The following RASGRF1 variants were observed in gnomAD, a reference collection of about 807,000 sequenced individuals.
RASGRF1 encodes ras-specific guanine nucleotide-releasing factor 1.
RASGRF1 carries 40 observed loss-of-function variants against 138.7 expected under a neutral mutation model. The observed-to-expected ratio is 0.29, with a 90% CI of 0.22 to 0.38. The LOEUF (loss-of-function observed/expected upper bound fraction) is 0.38. Among genes scored for constraint, RASGRF1 ranks in the 10% least tolerant of loss-of-function variants. RASGRF1 has a pLI of 1.00. For missense variants in RASGRF1, 1,108 were observed against 1,650.4 expected (o/e 0.67, Z 5.69); for synonymous variants, 614 against 663.2 (o/e 0.93, Z 1.14).
chr15:79,064,057 C>T (rs578261034), intron 2 of RASGRF1, among the ~76,000 whole-genome samples: 7 of 152,278 alleles, frequency 4.6e-5, no homozygotes, highest in Admixed American at 1.3e-4. Flanking sequence ...AGGACTGGTC[C>T]ATGGTAATGC....
At chr15:79,052,857 T>A (rs1595942472) in intron 3 of RASGRF1, among the ~76,000 whole-genome samples, 1 of 151,356 alleles carries the variant, frequency 6.6e-6, no homozygotes. Flanking sequence ...GCAGGGAGGG[T>A]GGCCATGGAG....
intron 3 of RASGRF1, among the ~76,000 whole-genome samples, chr15:79,055,835 C>G (rs142811354): frequency 1.8e-4 from 27 of 152,250 alleles, no homozygotes; most frequent in African/African-American, 4.6e-4. Context: ...CAGAAACTGT[C>G]ATCTCTTTAA....
At chr15:79,076,838 C>G (rs533602302) in intron 1 of RASGRF1, among the ~76,000 whole-genome samples, 1 of 152,362 alleles carries the variant, frequency 6.6e-6, no homozygotes, top group Non-Finnish European at 1.5e-5. Context: ...AGAACTCTCC[C>G]TGGAGCCTGG....
At position 79,046,748 on chromosome 15, in the gene RASGRF1, G is replaced by A. The variant is rs149029329; in HGVS notation, c.876C>T (p.Asn292=). 7.4e-6 allele frequency: 12 copies of A among 1,614,240 alleles called. No homozygotes were observed. The African/African-American group carries it at 1.1e-4, about 14-fold the overall frequency. The change falls in exon 5 of 27, where the codon AAC becomes AAT. Residue 292 remains asparagine (N), a splice_region_variant and synonymous_variant. Transcript: ENST00000558480. This position sits in a 1 kb window ranked among gnomAD's most constrained non-coding sequence, Gnocchi z 5.3. The part of the protein sequence containing the change: ...THDDVSSIFL[N]SETIMFLHQI... Reference sequence around the variant, plus strand: ...GGCCAACCTTTAGGGGTGCTCACCTGTTCAGGAAGATGCTGCTGACGTCGT... The same window carrying A: ...GGCCAACCTTTAGGGGTGCTCACCTATTCAGGAAGATGCTGCTGACGTCGT...
intron 20 of RASGRF1, among the ~76,000 whole-genome samples, chr15:78,992,002 C>G (rs886479361): frequency 6.6e-6 from 1 of 152,184 alleles, no homozygotes; most frequent in Non-Finnish European, 1.5e-5. Flanking sequence ...GGGCCCCGCC[C>G]TGTTGTGCCG....
At chr15:79,024,081 C>T (rs1035093116) in intron 10 of RASGRF1, among the ~76,000 whole-genome samples, 7 of 150,160 alleles carry the variant, frequency 4.7e-5, no homozygotes, top group Admixed American at 4.0e-4. Context: ...ATATACACAC[C>T]ACACATACAT....
At chr15:79,087,037 T>G (rs1157602430) in intron 1 of RASGRF1, among the ~76,000 whole-genome samples, 1 of 152,224 alleles carries the variant, frequency 6.6e-6, no homozygotes, top group African/African-American at 2.4e-5. Context: ...TCTGACTTCA[T>G]GAGGCCTTAG....
rs116903903 is a variant in RASGRF1 at position 79,021,916 on chromosome 15, T to C, written c.1543-1812A>G. ...CGTTATTCATAATTAAGAGTGACAA[T>C]GTCTGTTATCCAGTGAGCACTGAGC... On this transcript the variant is annotated intron_variant, in intron 10 of 26. Coordinates refer to ENST00000558480, the MANE Select transcript of RASGRF1 (RefSeq NM_001145648.3). 3.9e-5 allele frequency among the ~76,000 whole-genome samples: 6 copies of C among 152,332 alleles called. No homozygotes were observed. The East Asian group carries it at 1.2e-3, about 29-fold the overall frequency.
chr15:78,979,895 C>T (rs1383537521), intron 24 of RASGRF1, among the ~76,000 whole-genome samples: 1 of 152,204 alleles, frequency 6.6e-6, no homozygotes, highest in Non-Finnish European at 1.5e-5. Flanking sequence ...GAGGATTTTG[C>T]CCCCTAGTGG....
chr15:78,989,077 G>A (rs1040107753), intron 22 of RASGRF1, among the ~76,000 whole-genome samples: 2 of 152,150 alleles, frequency 1.3e-5, no homozygotes, highest in African/African-American at 4.8e-5. Flanking sequence ...AGGGGGCAGT[G>A]GATATTCTTA....
rs2141120824 is a variant in RASGRF1, at chr15:79,090,307, C to T, written c.192G>A (p.Gly64=). Residue 64 remains glycine, a synonymous_variant, in exon 1 of 27, where the codon GGG becomes GGA. Transcript: ENST00000558480. ...FESDSSSRPS[G]LYLLEGCVCD... ...AGACGCAGCCCTCCAGCAGGTAAAG[C>T]CCCGAGGGCCGCGAGCTCGAGTCGC... 6.2e-7 allele frequency: 1 copy of T among 1,613,700 alleles called. No homozygotes were observed.
At position 79,031,392 on chromosome 15, in the gene RASGRF1, G is replaced by A. The variant is rs1283012464; in HGVS notation, c.1262+8C>T. On this transcript the variant is annotated splice_region_variant and intron_variant, in intron 8 of 26. Transcript: ENST00000558480. ...GCCGGTCTGGTGCACTGAAGAGCCA[G>A]GCCTCACCTGGACAGCTCCTCCAGT... is the stretch of plus-strand genomic sequence containing the variant. 1 of 1,589,174 alleles carries A rather than the reference G, an allele frequency of 6.3e-7. No homozygotes were observed. The highest frequency in any genetic ancestry group is 8.6e-7 in the Non-Finnish European group (1 of 1,162,838).
chr15:78,961,559 T>C lies in RASGRF1; in HGVS notation c.*585A>G, dbSNP rs2055544128. ...AGCATTGGTACGAGGGGTGTGGTTC[T>C]GAGCAGAGAGGACTCCCTTCCGTCC... On this transcript the variant is annotated 3_prime_UTR_variant, in exon 27 of 27. Coordinates refer to ENST00000558480, the MANE Select transcript of RASGRF1 (RefSeq NM_001145648.3). 6.5e-6 allele frequency: 1 copy of C among 153,228 alleles called. No homozygotes were observed. The highest frequency in any genetic ancestry group is 6.5e-5 in the Admixed American group (1 of 15,406). 9.5% of individuals were successfully genotyped at this position (153,228 alleles called of 1,614,324 possible).
intron 1 of RASGRF1, among the ~76,000 whole-genome samples, chr15:79,069,475 A>G (rs2057725918): frequency 6.6e-6 from 1 of 152,152 alleles, no homozygotes; most frequent in Non-Finnish European, 1.5e-5. Context: ...ACTCACCCCA[A>G]ATAAGTGGAG....
rs200062468 is a variant in RASGRF1, at chr15:79,015,448, A to G, written c.1744-39T>C. 3.1e-4 allele frequency: 479 copies of G among 1,567,826 alleles called. 1 individual carries two copies. The highest frequency in any genetic ancestry group is 4.0e-4 in the Non-Finnish European group (458 of 1,138,074). On this transcript the variant is annotated intron_variant, in intron 12 of 26. Coordinates refer to ENST00000558480, the MANE Select transcript of RASGRF1 (RefSeq NM_001145648.3). Reference sequence around the variant, plus strand: ...GAGGACCCCAGGGTCAGAGCTCTCCATTCCTGGACCCAGGCCCACCAGGAG... The same window carrying G: ...GAGGACCCCAGGGTCAGAGCTCTCCGTTCCTGGACCCAGGCCCACCAGGAG...
intron 3 of RASGRF1, among the ~76,000 whole-genome samples, chr15:79,057,221 C>T (rs1207046326): frequency 6.6e-6 from 1 of 150,978 alleles, no homozygotes; most frequent in African/African-American, 2.5e-5. Context: ...GACAGCCATC[C>T]CTGCTGCAGG....
chr15:79,059,066 C>G (rs1165688932), intron 2 of RASGRF1, among the ~76,000 whole-genome samples: 5 of 152,050 alleles, frequency 3.3e-5, no homozygotes, highest in Admixed American at 1.3e-4. Flanking sequence ...CTCTGCTAAC[C>G]TCCCTCCCTC....
chr15:79,053,029 G>A (rs2141037690), intron 3 of RASGRF1, among the ~76,000 whole-genome samples: 1 of 152,338 alleles, frequency 6.6e-6, no homozygotes, highest in East Asian at 1.9e-4. Flanking sequence ...GACTTTGGGA[G>A]GCTGAGGCAG....
intron 23 of RASGRF1, among the ~76,000 whole-genome samples, chr15:78,983,236 T>C (rs994244808): frequency 5.9e-5 from 9 of 152,298 alleles, no homozygotes; most frequent in African/African-American, 2.2e-4. Flanking sequence ...CTTACACGGC[T>C]GGGGGCTGCA....
Sources: gnomAD v4.1 joint callset for allele counts (sites outside exome capture counted in the v4.1 genomes callset) on GRCh38, gnomAD v4.1.1 for gene constraint, Gnocchi (gnomAD v3.1) non-coding constraint, MANE v1.5 for transcripts, NCBI Gene and HGNC (gene_info 2026-07-23, HGNC 2026-07-21) for gene names.